PTCSC3: variants seen among roughly 807,000 people sequenced by gnomAD.
The protein encoded by PTCSC3 is papillary thyroid carcinoma susceptibility candidate 3 (non-protein coding).
chr14:36,161,578 T>C (rs2139106498), intron 2 of PTCSC3, among the ~76,000 whole-genome samples: 1 of 152,300 alleles, frequency 6.6e-6, no homozygotes, highest in South Asian at 2.1e-4. Flanking sequence ...GATTGCTGCC[T>C]GTTCCTTCCT....
rs186703989 is a variant in PTCSC3 at position 36,144,161 on chromosome 14, T to G, written n.323-7805A>C. On this transcript the variant is annotated intron_variant and non_coding_transcript_variant, in intron 3 of 3. Transcript: ENST00000556013. ...ATGCGGGCTCTTTTTTGGTTCCATA[T>G]GAACTTTAAAGTAGTTTTTTCCAAT... Among the ~76,000 whole-genome samples the G allele has an allele frequency of 5.1e-3, 781 of 152,094 alleles. 8 individuals are homozygous for G. The highest frequency in any genetic ancestry group is 0.016 in the African/African-American group (649 of 41,470).
intron 2 of PTCSC3, among the ~76,000 whole-genome samples, chr14:36,155,657 T>G (rs1318321698): frequency 1.3e-5 from 2 of 152,240 alleles, no homozygotes; most frequent in African/African-American, 4.8e-5. Flanking sequence ...TTGCTAAATT[T>G]GCTTGATTGA....
intron 2 of PTCSC3, among the ~76,000 whole-genome samples, chr14:36,161,778 G>T (rs1285357498): frequency 2.0e-5 from 3 of 152,212 alleles, no homozygotes; most frequent in Non-Finnish European, 4.4e-5. Flanking sequence ...GCTTTCTTCA[G>T]AGCCATCAGG....
chr14:36,153,971 G>C (rs944859324), intron 2 of PTCSC3: 1 of 151,878 alleles, frequency 6.6e-6, no homozygotes, highest in Non-Finnish European at 1.5e-5. Flanking sequence ...AAGCTGAGGT[G>C]GTATGGGTCA....
chr14:36,141,533 A>G (rs1481302245), intron 3 of PTCSC3, among the ~76,000 whole-genome samples: 1 of 152,034 alleles, frequency 6.6e-6, no homozygotes, highest in Non-Finnish European at 1.5e-5. Flanking sequence ...TTGTATTTTT[A>G]GTAGAGACGG....
chr14:36,150,350 C>A (rs1171167327), intron 3 of PTCSC3, among the ~76,000 whole-genome samples: 1 of 152,090 alleles, frequency 6.6e-6, no homozygotes, highest in East Asian at 1.9e-4. Context: ...ACATGAGGAC[C>A]CTGAAACAAG....
downstream of PTCSC3, among the ~76,000 whole-genome samples, chr14:36,135,565 C>T (rs531169016): frequency 1.3e-5 from 2 of 152,266 alleles, no homozygotes; most frequent in Non-Finnish European, 2.9e-5. Flanking sequence ...GTGATGTCTG[C>T]CTCTGCACCT....
chr14:36,146,027 T>C (rs1479163762), intron 3 of PTCSC3, among the ~76,000 whole-genome samples: 1 of 151,952 alleles, frequency 6.6e-6, no homozygotes, highest in Non-Finnish European at 1.5e-5. Context: ...GTCTGAGAGA[T>C]AGTTTGTTAT....
intron 1 of PTCSC3, among the ~76,000 whole-genome samples, chr14:36,165,608 A>T (rs1052098804): frequency 6.6e-6 from 1 of 152,114 alleles, no homozygotes; most frequent in African/African-American, 2.4e-5. Flanking sequence ...GGTATTTTTT[A>T]AATTAGCGTT....
rs193077880 is a variant in PTCSC3 at position 36,151,022 on chromosome 14, T to C, written n.322+2782A>G. On this transcript the variant is annotated intron_variant and non_coding_transcript_variant, in intron 3 of 3. Coordinates refer to ENST00000556013, the Ensembl canonical transcript of PTCSC3. ...AAGTTTCTCACCTATATCATTTTTC[T>C]TCTCCCTGAAGAAATTTTCACATTT... 3.6e-4 allele frequency among the ~76,000 whole-genome samples: 55 copies of C among 152,346 alleles called. 1 individual carries two copies. The highest frequency in any genetic ancestry group is 3.4e-3 in the Middle Eastern group (1 of 294).
At chr14:36,145,668 C>G (rs1235879364) in intron 3 of PTCSC3, among the ~76,000 whole-genome samples, 2 of 85,338 alleles carry the variant, frequency 2.3e-5, no homozygotes, top group Admixed American at 1.1e-4. Flanking sequence ...TCCTTCAGTT[C>G]TGCTCTGATT....
chr14:36,156,052 C>T (rs1881818431), intron 2 of PTCSC3, among the ~76,000 whole-genome samples: 1 of 152,168 alleles, frequency 6.6e-6, no homozygotes, highest in African/African-American at 2.4e-5. Context: ...ACAGTACCAA[C>T]TTGAATGTGT....
chr14:36,135,285 G>A (rs1881260435), downstream of PTCSC3, among the ~76,000 whole-genome samples: 1 of 152,164 alleles, frequency 6.6e-6, no homozygotes, highest in Non-Finnish European at 1.5e-5. Context: ...ATGTGTGTGT[G>A]CATGTGTGTG....
At chr14:36,147,117 T>G (rs1008710663) in intron 3 of PTCSC3, among the ~76,000 whole-genome samples, 1 of 152,188 alleles carries the variant, frequency 6.6e-6, no homozygotes, top group Non-Finnish European at 1.5e-5. Flanking sequence ...ATTTCGACTT[T>G]GGTGAATCTG....
chr14:36,166,032 A>G (rs1882078453), intron 1 of PTCSC3, among the ~76,000 whole-genome samples: 1 of 152,190 alleles, frequency 6.6e-6, no homozygotes, highest in Non-Finnish European at 1.5e-5. Flanking sequence ...AATAAAAATT[A>G]CCCGAAAGAA....
In PTCSC3 at chr14:36,146,421, C is replaced by A. The variant is rs185032527; in HGVS notation, n.322+7383G>T. ...GATCCCTTTACCATTATTTAATGGC[C>A]TTGTTTGTCTCTTTTGATCTTTGTT... On this transcript the variant is annotated intron_variant and non_coding_transcript_variant, in intron 3 of 3. Coordinates refer to ENST00000556013, the Ensembl canonical transcript of PTCSC3. Among the ~76,000 whole-genome samples the A allele has an allele frequency of 3.6e-3, 542 of 151,108 alleles. 1 individual carries two copies. The highest frequency in any genetic ancestry group is 0.013 in the African/African-American group (520 of 41,140).
At chr14:36,151,263 C>A (rs1255594618) in intron 3 of PTCSC3, among the ~76,000 whole-genome samples, 1 of 152,028 alleles carries the variant, frequency 6.6e-6, no homozygotes, top group African/African-American at 2.4e-5. Context: ...TATCCTTGTT[C>A]CTCTGTAGGT....
intron 1 of PTCSC3, among the ~76,000 whole-genome samples, chr14:36,173,376 C>T (rs1024325644): frequency 1.6e-4 from 24 of 152,146 alleles, no homozygotes; most frequent in African/African-American, 5.5e-4. Context: ...AATCATAGCC[C>T]TCTTTTGGAC....
intron 2 of PTCSC3, among the ~76,000 whole-genome samples, chr14:36,161,058 T>C (rs1034842996): frequency 3.3e-5 from 5 of 152,246 alleles, no homozygotes; most frequent in African/African-American, 1.2e-4. Flanking sequence ...TGCTGTGTTT[T>C]TCAGCTCCAT....
Sources: gnomAD v4.1 joint callset for allele counts (sites outside exome capture counted in the v4.1 genomes callset) on GRCh38, gnomAD v4.1.1 for gene constraint, MANE v1.5 for transcripts, NCBI Gene and HGNC (gene_info 2026-07-23, HGNC 2026-07-21) for gene names.